Variants in PHLPP1 observed in about 807,000 individuals in gnomAD.
PHLPP1 encodes the protein PH domain and leucine rich repeat protein phosphatase 1.
Under a neutral mutation model 117.2 loss-of-function variants are expected in PHLPP1, and 42 were observed. That is an observed-to-expected ratio of 0.36 (90% CI 0.28 to 0.46). The LOEUF (loss-of-function observed/expected upper bound fraction) is 0.46. PHLPP1 is among the 20% of genes least tolerant of loss of function. The pLI is 1.00. For missense variants in PHLPP1, 2,084 were observed against 2,241.9 expected (o/e 0.93, Z 1.42); for synonymous variants, 1,042 against 970.7 (o/e 1.07, Z -1.37).
intron 6 of PHLPP1, among the ~76,000 whole-genome samples, chr18:62,896,246 G>C (rs950259277): frequency 6.6e-6 from 1 of 151,756 alleles, no homozygotes; most frequent in African/African-American, 2.4e-5. Context: ...TTGAGTGAGA[G>C]AGCTGTTTTT....
intron 4 of PHLPP1, among the ~76,000 whole-genome samples, chr18:62,869,665 A>G (rs1465532291): frequency 6.6e-6 from 1 of 152,260 alleles, no homozygotes; most frequent in Admixed American, 6.5e-5. Context: ...GTGACATATT[A>G]TCAGCTTGTA....
At chr18:62,831,323 A>G (rs1914751052) in intron 2 of PHLPP1, among the ~76,000 whole-genome samples, 1 of 150,074 alleles carries the variant, frequency 6.7e-6, no homozygotes, top group African/African-American at 2.5e-5. Context: ...CATTGAGCAA[A>G]TATTTTCTTT....
At chr18:62,751,622 C>T (rs1379886201) in intron 1 of PHLPP1, among the ~76,000 whole-genome samples, 3 of 152,210 alleles carry the variant, frequency 2.0e-5, no homozygotes, top group African/African-American at 7.2e-5. Context: ...TTCGTGGCTG[C>T]ATAGAAGCTT....
At chr18:62,894,663 C>T (rs1206720928) in intron 4 of PHLPP1, among the ~76,000 whole-genome samples, 1 of 152,244 alleles carries the variant, frequency 6.6e-6, no homozygotes, top group Non-Finnish European at 1.5e-5. Context: ...CCAGCTCTGC[C>T]TGGTCCCTTT....
At chr18:62,854,019 G>C (rs906715874) in intron 3 of PHLPP1, among the ~76,000 whole-genome samples, 2 of 152,178 alleles carry the variant, frequency 1.3e-5, no homozygotes, top group Non-Finnish European at 2.9e-5. Context: ...ACGGAAACTT[G>C]AAGGACAGGT....
At chr18:62,787,901 G>A (rs1458372578) in intron 1 of PHLPP1, among the ~76,000 whole-genome samples, 3 of 152,218 alleles carry the variant, frequency 2.0e-5, no homozygotes, top group African/African-American at 7.2e-5. Flanking sequence ...AATCCAGTGG[G>A]TTGGTTAAGT....
At chr18:62,809,861 G>A (rs551665204) in intron 1 of PHLPP1, among the ~76,000 whole-genome samples, 2 of 152,278 alleles carry the variant, frequency 1.3e-5, no homozygotes, top group East Asian at 3.9e-4. Flanking sequence ...TGAATATGCG[G>A]ATCTTTTGTA....
intron 2 of PHLPP1, among the ~76,000 whole-genome samples, chr18:62,834,818 G>A (rs112584076): frequency 4.6e-5 from 7 of 152,062 alleles, no homozygotes; most frequent in African/African-American, 1.4e-4. Flanking sequence ...AAGTTTCCTC[G>A]TGTCCCTTTG....
At chr18:62,945,001 AAAATGACTGTTAC>A in intron 11 of PHLPP1, 95 bp from the exon 12 acceptor site, 1 of 837,026 alleles carries the variant, frequency 1.2e-6, no homozygotes, top group Non-Finnish European at 1.7e-6. Flanking sequence ...CTTGTTTGTA[AAAATGACTGTTAC>A]AAATGAATCC....
chr18:62,957,135 C>G (rs1599141351), intron 12 of PHLPP1, among the ~76,000 whole-genome samples: 1 of 152,130 alleles, frequency 6.6e-6, no homozygotes, highest in East Asian at 1.9e-4. Flanking sequence ...CCACCCCATA[C>G]TATATACTAT....
At chr18:62,863,263 C>T (rs1175488707) in intron 4 of PHLPP1, among the ~76,000 whole-genome samples, 1 of 151,776 alleles carries the variant, frequency 6.6e-6, no homozygotes, top group East Asian at 1.9e-4. Context: ...GGCTGGAGTG[C>T]AGTGGTGGCT....
chr18:62,918,782 T>C (rs1458624733), intron 9 of PHLPP1, among the ~76,000 whole-genome samples: 2 of 152,092 alleles, frequency 1.3e-5, no homozygotes, highest in African/African-American at 2.4e-5. Flanking sequence ...CGCAGCATTG[T>C]AACTACAGTT....
Position 62,847,426 on chromosome 18 carries a change from A to G in PHLPP1, c.1899+8517A>G, listed in dbSNP as rs536329913. 1.8e-3 allele frequency among the ~76,000 whole-genome samples: 279 copies of G among 152,106 alleles called. 1 individual carries two copies. Among genetic ancestry groups the G allele is most frequent in the Non-Finnish European group, 3.6e-3 (242 of 67,954 alleles). Reference sequence around the variant, plus strand: ...AACTCTGGAAAATTTTTCCCAGGAAACCTTAAAGAAGTTTGGTTGGGATCT... The same window carrying G: ...AACTCTGGAAAATTTTTCCCAGGAAGCCTTAAAGAAGTTTGGTTGGGATCT... On this transcript the variant is annotated intron_variant, in intron 3 of 16. Transcript: ENST00000262719.
At chr18:62,837,001 A>T (rs1645846691) in intron 2 of PHLPP1, among the ~76,000 whole-genome samples, 1 of 152,082 alleles carries the variant, frequency 6.6e-6, no homozygotes. Context: ...TGTTTTGTTA[A>T]CACTGGATTT....
intron 10 of PHLPP1, among the ~76,000 whole-genome samples, chr18:62,939,849 A>G (rs1221006983): frequency 6.6e-6 from 1 of 152,008 alleles, no homozygotes; most frequent in Non-Finnish European, 1.5e-5. Flanking sequence ...TTTCTCTCCA[A>G]GATTAAAAAT....
chr18:62,795,043 T>C (rs2144293961), intron 1 of PHLPP1, among the ~76,000 whole-genome samples: 1 of 152,336 alleles, frequency 6.6e-6, no homozygotes, highest in South Asian at 2.1e-4. Context: ...GCTTTGATAC[T>C]GCTTGAAAAC....
chr18:62,934,908 C>T (rs1014045822), intron 10 of PHLPP1, among the ~76,000 whole-genome samples: 5 of 152,186 alleles, frequency 3.3e-5, no homozygotes, highest in Non-Finnish European at 7.4e-5. Flanking sequence ...TACACACACA[C>T]TTAGTCCTAA....
intron 1 of PHLPP1, among the ~76,000 whole-genome samples, chr18:62,826,617 C>G (rs938257995): frequency 6.6e-6 from 1 of 152,094 alleles, no homozygotes; most frequent in Admixed American, 6.6e-5. Context: ...ATTAGATGCT[C>G]TTTTTTGCCC....
At chr18:62,768,522 T>C (rs1599036874) in intron 1 of PHLPP1, among the ~76,000 whole-genome samples, 2 of 152,366 alleles carry the variant, frequency 1.3e-5, no homozygotes, top group South Asian at 2.1e-4. Context: ...AAAGTTTCTT[T>C]AACAACCATA....
Sources: gnomAD v4.1 joint callset for allele counts (sites outside exome capture counted in the v4.1 genomes callset) on GRCh38, gnomAD v4.1.1 for gene constraint, MANE v1.5 for transcripts, NCBI Gene and HGNC (gene_info 2026-07-23, HGNC 2026-07-21) for gene names.